Variants in SNTG1 observed in about 807,000 individuals in gnomAD.
The protein encoded by SNTG1 is syntrophin gamma 1.
A neutral mutation model predicts 74.7 loss-of-function variants in SNTG1; 39 were observed. The observed-to-expected ratio is 0.52, with a 90% CI of 0.40 to 0.68. SNTG1 has a LOEUF of 0.68. SNTG1 is among the 30% of genes least tolerant of loss of function. The pLI is 0.00. For synonymous variants in SNTG1, 254 were observed against 217.1 expected, an observed-to-expected ratio of 1.17 and a Z score of -1.49; for missense variants, 685 against 609.5, an observed-to-expected ratio of 1.12 and a Z score of -1.30.
intron 9 of SNTG1, among the ~76,000 whole-genome samples, chr8:50,517,448 C>T (rs1245854148): frequency 1.3e-5 from 2 of 151,914 alleles, no homozygotes; most frequent in African/African-American, 4.8e-5. Flanking sequence ...CAATATTAAC[C>T]TTAAATGTAA....
In SNTG1 at chr8:50,125,002, A is replaced by G. The variant is rs1396170198; in HGVS notation, c.-102-47559A>G. On this transcript the variant is annotated intron_variant, in intron 1 of 18. Coordinates refer to ENST00000642720, the MANE Select transcript of SNTG1 (RefSeq NM_018967.5). ...TCATAAATGTTACTATAAGATAGTTACTTATCTATGGATAAAGCCATACCT... is the reference window on the plus strand; with the variant it reads ...TCATAAATGTTACTATAAGATAGTTGCTTATCTATGGATAAAGCCATACCT... Among the ~76,000 whole-genome samples, 6 of 142,108 alleles carry G rather than the reference A, an allele frequency of 4.2e-5. 2 individuals carry two copies. In the East Asian group the frequency reaches 1.2e-3, roughly 29 times the overall value. The allele number at this position is 142,108 out of a possible 152,430, so 93.2% of individuals were successfully genotyped here.
chr8:50,196,670 A>G (rs2083780452), intron 2 of SNTG1, among the ~76,000 whole-genome samples: 1 of 152,038 alleles, frequency 6.6e-6, no homozygotes, highest in African/African-American at 2.4e-5. Flanking sequence ...TAAAAGTAGC[A>G]TATAGGCTGG....
At chr8:50,152,296 T>C (rs1455411823) in intron 1 of SNTG1, among the ~76,000 whole-genome samples, 1 of 152,216 alleles carries the variant, frequency 6.6e-6, no homozygotes, top group African/African-American at 2.4e-5. Context: ...TGAGCCTATG[T>C]GTGTCTCTGC....
intron 18 of SNTG1, among the ~76,000 whole-genome samples, chr8:50,767,461 T>C (rs2095616603): frequency 6.6e-6 from 1 of 151,986 alleles, no homozygotes; most frequent in Admixed American, 6.6e-5. Flanking sequence ...CTTCCTCTGA[T>C]AGCAAAAATT....
intron 15 of SNTG1, among the ~76,000 whole-genome samples, chr8:50,680,078 C>T (rs1274239540): frequency 1.3e-5 from 2 of 152,132 alleles, no homozygotes; most frequent in African/African-American, 4.8e-5. Context: ...CCACTGCCCT[C>T]AGTCACCAGA....
chr8:50,782,968 C>A (rs1486880615), intron 18 of SNTG1, among the ~76,000 whole-genome samples: 5 of 152,108 alleles, frequency 3.3e-5, no homozygotes, highest in Non-Finnish European at 1.5e-5. Context: ...CAGAGGTCCA[C>A]CCCAGACCCT....
At chr8:50,387,034 A>T (rs1288406775) in intron 2 of SNTG1, among the ~76,000 whole-genome samples, 1 of 152,188 alleles carries the variant, frequency 6.6e-6, no homozygotes, top group Non-Finnish European at 1.5e-5. Context: ...TACTGATCAA[A>T]TAAAAATTTA....
intron 2 of SNTG1, among the ~76,000 whole-genome samples, chr8:50,345,368 G>A (rs879836184): frequency 2.0e-5 from 3 of 152,120 alleles, no homozygotes; most frequent in Non-Finnish European, 2.9e-5. Flanking sequence ...GTGCCTGCGA[G>A]TGGTCCACCT....
At chr8:50,326,442 C>G (rs1002301427) in intron 2 of SNTG1, among the ~76,000 whole-genome samples, 1 of 151,914 alleles carries the variant, frequency 6.6e-6, no homozygotes, top group East Asian at 1.9e-4. Flanking sequence ...AAGAAATCAG[C>G]CCGTTTCACC....
At chr8:50,274,211 CT>C (rs1417307899) in intron 2 of SNTG1, among the ~76,000 whole-genome samples, 4 of 151,972 alleles carry the variant, frequency 2.6e-5, no homozygotes, top group Non-Finnish European at 4.4e-5. Flanking sequence ...CTCAGCCCCC[CT>C]AGTAGCTGGG....
chr8:50,315,019 A>G (rs987896853), intron 2 of SNTG1, among the ~76,000 whole-genome samples: 4 of 149,912 alleles, frequency 2.7e-5, no homozygotes, highest in Non-Finnish European at 5.9e-5. Context: ...ATTATAATTT[A>G]TTTATTAAAT....
At chr8:50,703,231 A>G (rs140142248) in intron 15 of SNTG1, among the ~76,000 whole-genome samples, 1 of 152,304 alleles carries the variant, frequency 6.6e-6, no homozygotes, top group Non-Finnish European at 1.5e-5. Context: ...AAACACAAAC[A>G]CATTATGTAG....
At chr8:50,346,048 G>T (rs16914745) in intron 2 of SNTG1, among the ~76,000 whole-genome samples, 9,954 of 152,168 alleles carry the variant, frequency 0.065, 351 homozygotes, top group African/African-American at 0.072. Context: ...TTATCTGGCA[G>T]GATGACGGGC....
At chr8:49,959,775 T>A (rs754658493) in intron 1 of SNTG1, among the ~76,000 whole-genome samples, 4 of 152,216 alleles carry the variant, frequency 2.6e-5, no homozygotes, top group Non-Finnish European at 5.9e-5. Flanking sequence ...CAAGTTTTTG[T>A]GTAGAGAAGT....
chr8:50,211,540 G>A (rs2084521329), intron 2 of SNTG1, among the ~76,000 whole-genome samples: 1 of 152,066 alleles, frequency 6.6e-6, no homozygotes, highest in African/African-American at 2.4e-5. Flanking sequence ...CAATGAGATT[G>A]CAAGACTATT....
rs372744103 is a variant in SNTG1 at position 50,108,867 on chromosome 8, C to CT, written c.-102-63691dup. Among the ~76,000 whole-genome samples the CT allele has an allele frequency of 4.3e-4, 65 of 152,174 alleles. 2 individuals are homozygous for CT. Among genetic ancestry groups the CT allele is most frequent in the African/African-American group, 1.6e-3 (65 of 41,524 alleles). On this transcript the variant is annotated intron_variant, in intron 1 of 18. Coordinates refer to ENST00000642720, the MANE Select transcript of SNTG1 (RefSeq NM_018967.5). ...GTTTACTTTTGGAGTCTGAAGGAAA[C>CT]TTTGAAGAGGCCAGAGACCCAGGAA...
At chr8:50,773,738 T>C (rs903277747) in intron 18 of SNTG1, among the ~76,000 whole-genome samples, 3 of 152,092 alleles carry the variant, frequency 2.0e-5, no homozygotes, top group African/African-American at 2.4e-5. Flanking sequence ...GTGGCCTTTC[T>C]GTAAGAAAAT....
At chr8:50,620,975 A>T (rs79178055) in intron 13 of SNTG1, among the ~76,000 whole-genome samples, 5,720 of 152,224 alleles carry the variant, frequency 0.038, 179 homozygotes, top group African/African-American at 0.076. Context: ...GGCCATGCAG[A>T]ATTTGCCATC....
At chr8:50,154,574 TAC>T in intron 1 of SNTG1, among the ~76,000 whole-genome samples, 1 of 152,134 alleles carries the variant, frequency 6.6e-6, no homozygotes, top group Admixed American at 6.6e-5. Flanking sequence ...AGGTATATGT[TAC>T]CAGAAATAAG....
Sources: allele counts gnomAD v4.1 joint callset (sites outside exome capture counted in the v4.1 genomes callset), GRCh38; gene constraint gnomAD v4.1.1; transcripts MANE v1.5; gene names NCBI Gene and HGNC (gene_info 2026-07-23, HGNC 2026-07-21).